PRKAR2B: variants seen among roughly 807,000 people sequenced by gnomAD.
PRKAR2B encodes protein kinase cAMP-dependent type II regulatory subunit beta.
Under a neutral mutation model 49.9 loss-of-function variants are expected in PRKAR2B, and 14 were observed. The ratio of observed to expected loss-of-function variants is 0.28; its 90% CI spans 0.19 to 0.44. PRKAR2B has a LOEUF of 0.44. PRKAR2B is among the 20% of genes least tolerant of loss of function. PRKAR2B has a pLI of 1.00. For synonymous variants in PRKAR2B, 196 were observed against 197.7 expected (o/e 0.99, Z 0.07); for missense variants, 393 against 537.9 (o/e 0.73, Z 2.67).
In PRKAR2B at chr7:107,140,970, CT is replaced by C; in HGVS notation, c.587+19del. On this transcript the variant is annotated intron_variant, in intron 5 of 10. Coordinates refer to ENST00000265717, the MANE Select transcript of PRKAR2B (RefSeq NM_002736.3). ...AATTGATAGGTAAGTTTTGCCCAAC[CT>C]TACTATTGAAATTGAAAGAACCTTT... The C allele has an allele frequency of 6.4e-7, 1 of 1,557,246 alleles. No homozygotes were observed. Among genetic ancestry groups the C allele is most frequent in the Non-Finnish European group, 8.8e-7 (1 of 1,134,942 alleles).
intron 1 of PRKAR2B, among the ~76,000 whole-genome samples, chr7:107,055,575 A>G (rs915630866): frequency 2.0e-5 from 3 of 152,042 alleles, no homozygotes; most frequent in Non-Finnish European, 4.4e-5. Flanking sequence ...GATGATGAGC[A>G]TTTTTTCATG....
chr7:107,056,099 C>T (rs2116753906), intron 1 of PRKAR2B, among the ~76,000 whole-genome samples: 1 of 152,252 alleles, frequency 6.6e-6, no homozygotes, highest in South Asian at 2.1e-4. Flanking sequence ...TTGTTTTTGT[C>T]AGGTTTGTCA....
At position 107,159,432 on chromosome 7, in the gene PRKAR2B, ATCT is replaced by A. The variant is rs762716202; in HGVS notation, c.1124-13_1124-11del. On this transcript the variant is annotated splice_polypyrimidine_tract_variant and intron_variant, in intron 10 of 10. Coordinates refer to ENST00000265717, the MANE Select transcript of PRKAR2B (RefSeq NM_002736.3). ...TGCAAAGAATGTTATTTAAAAAAAA[ATCT>A]TCTCTTTTCTCAGCAATGGATGTGC... The A allele has an allele frequency of 5.0e-6, 8 of 1,610,992 alleles. No homozygotes were observed. The highest frequency in any genetic ancestry group is 5.9e-6 in the Non-Finnish European group (7 of 1,179,082).
intron 2 of PRKAR2B, among the ~76,000 whole-genome samples, chr7:107,092,651 C>T (rs1203902532): frequency 6.6e-6 from 1 of 152,074 alleles, no homozygotes; most frequent in Non-Finnish European, 1.5e-5. Context: ...TATGTTTACT[C>T]TTTTCTGTTT....
chr7:107,137,839 C>A (rs1414349139), intron 4 of PRKAR2B, among the ~76,000 whole-genome samples: 1 of 152,064 alleles, frequency 6.6e-6, no homozygotes, highest in East Asian at 1.9e-4. Context: ...AAGAATCCTC[C>A]TTTCTCTTTT....
chr7:107,113,130 C>A (rs1441041072), intron 2 of PRKAR2B, among the ~76,000 whole-genome samples: 1 of 152,156 alleles, frequency 6.6e-6, no homozygotes, highest in Non-Finnish European at 1.5e-5. Flanking sequence ...AGGCAGCATT[C>A]ATCTCAAAAA....
chr7:107,056,011 T>A (rs1793904564), intron 1 of PRKAR2B, among the ~76,000 whole-genome samples: 1 of 152,218 alleles, frequency 6.6e-6, no homozygotes, highest in Non-Finnish European at 1.5e-5. Flanking sequence ...AAGGAAGGGA[T>A]CCAGTTTCAG....
At chr7:107,082,436 C>T (rs1401344252) in intron 2 of PRKAR2B, among the ~76,000 whole-genome samples, 1 of 151,946 alleles carries the variant, frequency 6.6e-6, no homozygotes, top group Non-Finnish European at 1.5e-5. Flanking sequence ...ATTTTAAATA[C>T]ATTTCTTAGA....
At chr7:107,118,051 T>C (rs28650839) in intron 2 of PRKAR2B, among the ~76,000 whole-genome samples, 4,416 of 152,318 alleles carry the variant, frequency 0.029, 207 homozygotes, top group African/African-American at 0.099. Flanking sequence ...AAGCTAAATT[T>C]CAGATTGCGT....
At chr7:107,070,392 C>T in intron 2 of PRKAR2B, 76 bp downstream of exon 2, 2 of 1,303,952 alleles carry the variant, frequency 1.5e-6, no homozygotes, top group East Asian at 2.3e-5. Flanking sequence ...CAAGAAGGTA[C>T]AAAGAATAAT....
At chr7:107,078,804 C>T in intron 2 of PRKAR2B, among the ~76,000 whole-genome samples, 1 of 152,156 alleles carries the variant, frequency 6.6e-6, no homozygotes, top group East Asian at 1.9e-4. Flanking sequence ...ATTAGATTAT[C>T]TCTTGAACTT....
chr7:107,074,094 G>A (rs774507557), intron 2 of PRKAR2B, among the ~76,000 whole-genome samples: 2 of 151,922 alleles, frequency 1.3e-5, no homozygotes, highest in Non-Finnish European at 2.9e-5. Context: ...AAGTAACAGA[G>A]AAATCATTAT....
chr7:107,061,068 G>A (rs139973058), intron 1 of PRKAR2B, among the ~76,000 whole-genome samples: 1 of 152,028 alleles, frequency 6.6e-6, no homozygotes, highest in Non-Finnish European at 1.5e-5. Flanking sequence ...ACATGTGAAT[G>A]TACTTCAAGC....
intron 6 of PRKAR2B, among the ~76,000 whole-genome samples, chr7:107,148,657 G>A (rs1175651287): frequency 1.3e-5 from 2 of 152,088 alleles, no homozygotes; most frequent in Admixed American, 6.5e-5. Context: ...AGGGAGAGTC[G>A]AGTAGAAAAT....
intron 6 of PRKAR2B, among the ~76,000 whole-genome samples, chr7:107,150,330 A>G (rs1253825720): frequency 6.6e-6 from 1 of 152,126 alleles, no homozygotes; most frequent in Non-Finnish European, 1.5e-5. Context: ...TCAAAAACAT[A>G]GTTGTAGTTT....
intron 2 of PRKAR2B, among the ~76,000 whole-genome samples, chr7:107,079,853 A>G (rs984982106): frequency 2.0e-5 from 3 of 152,218 alleles, no homozygotes; most frequent in Non-Finnish European, 4.4e-5. Context: ...TAGAATGTGA[A>G]GTAAAGAAAT....
At chr7:107,049,671 A>G (rs1477817309) in intron 1 of PRKAR2B, among the ~76,000 whole-genome samples, 2 of 152,098 alleles carry the variant, frequency 1.3e-5, no homozygotes, top group South Asian at 4.1e-4. Flanking sequence ...TGAATCCAGT[A>G]TTGCACTTCT....
At chr7:107,101,875 CTTTTTTTT>C (rs10589473) in intron 2 of PRKAR2B, among the ~76,000 whole-genome samples, 2 of 94,256 alleles carry the variant, frequency 2.1e-5, no homozygotes, top group Admixed American at 1.2e-4. Flanking sequence ...AGCCCTGATC[CTTTTTTTT>C]TTTTTTTTTT....
intron 4 of PRKAR2B, among the ~76,000 whole-genome samples, chr7:107,131,103 A>G (rs1795598228): frequency 6.6e-6 from 1 of 152,226 alleles, no homozygotes; most frequent in African/African-American, 2.4e-5. Flanking sequence ...GACTAGAGCT[A>G]GATGTGAAAA....
Sources: gnomAD v4.1 joint callset for allele counts (sites outside exome capture counted in the v4.1 genomes callset) on GRCh38, gnomAD v4.1.1 for gene constraint, MANE v1.5 for transcripts, NCBI Gene and HGNC (gene_info 2026-07-23, HGNC 2026-07-21) for gene names.